DOCK8: variants seen among roughly 807,000 people sequenced by gnomAD.
DOCK8 encodes dedicator of cytokinesis protein 8.
In DOCK8, 141 loss-of-function variants were observed where a neutral mutation model predicts 245.6. The observed-to-expected ratio is 0.57, with a 90% CI of 0.50 to 0.66. The LOEUF (loss-of-function observed/expected upper bound fraction) is 0.66, where lower values mean the gene tolerates loss of function less well. Among genes scored for constraint, DOCK8 ranks in the 30% least tolerant of loss-of-function variants. DOCK8 has a pLI of 0.00. For missense variants in DOCK8, 2,965 were observed against 2,603.4 expected, an observed-to-expected ratio of 1.14 and a Z score of -3.02; for synonymous variants, 1,168 against 970.2, an observed-to-expected ratio of 1.20 and a Z score of -3.79.
chr9:370,020 C>T, intron 15 of DOCK8: 1 of 601,942 alleles, frequency 1.7e-6, no homozygotes, highest in African/African-American at 1.8e-5. Context: ...CCAGGCTGGT[C>T]TCCAACTCCT....
At chr9:276,461 ATG>A (rs1336864177) in intron 2 of DOCK8, among the ~76,000 whole-genome samples, 3 of 101,428 alleles carry the variant, frequency 3.0e-5, no homozygotes, top group Non-Finnish European at 7.2e-5. Flanking sequence ...TCTGATGACT[ATG>A]TGTATAAACA....
intron 28 of DOCK8, 55 bp downstream of exon 28, chr9:407,124 AAT>A: frequency 6.2e-7 from 1 of 1,611,916 alleles, no homozygotes; most frequent in South Asian, 1.1e-5. Flanking sequence ...GATGTTCTTT[AAT>A]AAAATTTGCA....
chr9:213,774 G>C (rs2046663747), upstream of DOCK8: 1 of 151,822 alleles, frequency 6.6e-6, no homozygotes, highest in Admixed American at 6.6e-5. Context: ...TCTGTCGCCA[G>C]GCTGGAGTGC....
chr9:307,538 A>G (rs1352310022), intron 5 of DOCK8, among the ~76,000 whole-genome samples: 2 of 151,616 alleles, frequency 1.3e-5, no homozygotes, highest in African/African-American at 4.9e-5. Flanking sequence ...GTGTATTTTT[A>G]GTAGAGACAG....
chr9:222,238 G>A (rs1473231074), intron 1 of DOCK8, among the ~76,000 whole-genome samples: 1 of 151,938 alleles, frequency 6.6e-6, no homozygotes, highest in Non-Finnish European at 1.5e-5. Flanking sequence ...TCTCCAGCCT[G>A]GGCCACAGAG....
At chr9:401,821 C>T (rs73639210) in intron 26 of DOCK8, among the ~76,000 whole-genome samples, 1,650 of 152,180 alleles carry the variant, frequency 0.011, 38 homozygotes, top group African/African-American at 0.038. Context: ...CCTGAACGCA[C>T]GCAGTCTCAT....
At chr9:430,120 A>G (rs2056655798) in intron 36 of DOCK8, among the ~76,000 whole-genome samples, 2 of 152,326 alleles carry the variant, frequency 1.3e-5, no homozygotes, top group South Asian at 4.1e-4. Flanking sequence ...TTCACCTATA[A>G]TCCCAGCACT....
At chr9:238,712 G>T (rs529532460) in intron 1 of DOCK8, among the ~76,000 whole-genome samples, 1 of 152,150 alleles carries the variant, frequency 6.6e-6, no homozygotes, top group Non-Finnish European at 1.5e-5. Flanking sequence ...CATATTTCCA[G>T]TTACAAAATA....
At chr9:316,519 A>G (rs1205257674) in intron 6 of DOCK8, among the ~76,000 whole-genome samples, 1 of 152,176 alleles carries the variant, frequency 6.6e-6, no homozygotes, top group Non-Finnish European at 1.5e-5. Context: ...TGTCAATTCA[A>G]CCCCAAGTCT....
chr9:414,131 C>CA (rs199980516), intron 28 of DOCK8, among the ~76,000 whole-genome samples: 34,444 of 136,168 alleles, frequency 0.25, 4,325 homozygotes, highest in East Asian at 0.53. Flanking sequence ...AACTCCATGT[C>CA]AAAAAAAAAA....
In DOCK8 at chr9:441,401, A is replaced by C. The variant is rs1450563052; in HGVS notation, c.5339A>C (p.Asp1780Ala). ...LTHSKLQRAFDSIVNKDHKRM... is the reference protein window; with the variant it reads ...LTHSKLQRAFASIVNKDHKRM... ...CACAGCAAGCTGCAGAGAGCCTTCG[A>C]CAGCATCGTTAACAAGGTAGCCGGG... is the stretch of plus-strand genomic sequence containing the variant. Residue 1780 changes from aspartate (D) to alanine (A), a missense_variant, in exon 41 of 48, where the codon GAC becomes GCC. Coordinates refer to ENST00000432829, the MANE Select transcript of DOCK8 (RefSeq NM_203447.4). 6.2e-7 allele frequency: 1 copy of C among 1,614,098 alleles called. No individual in the cohort carries two copies. Among genetic ancestry groups the C allele is most frequent in the Non-Finnish European group, 8.5e-7 (1 of 1,180,036 alleles).
At chr9:397,149 G>A (rs1046821635) in intron 25 of DOCK8, among the ~76,000 whole-genome samples, 6 of 152,032 alleles carry the variant, frequency 3.9e-5, no homozygotes, top group African/African-American at 1.4e-4. Context: ...TTCGAGACCT[G>A]CCTGGCCAAC....
chr9:240,862 A>G (rs1052044290), intron 1 of DOCK8, among the ~76,000 whole-genome samples: 1 of 152,198 alleles, frequency 6.6e-6, no homozygotes, highest in Admixed American at 6.5e-5. Flanking sequence ...TATCTCTTAA[A>G]TAAAAAAATA....
chr9:373,430 C>G (rs796852146), intron 18 of DOCK8, among the ~76,000 whole-genome samples: 30 of 152,308 alleles, frequency 2.0e-4, no homozygotes, highest in African/African-American at 7.0e-4. Flanking sequence ...TATTCAGTCA[C>G]TGATCAAATT....
At chr9:383,124 G>A (rs1362180526) in intron 22 of DOCK8, among the ~76,000 whole-genome samples, 3 of 152,200 alleles carry the variant, frequency 2.0e-5, no homozygotes, top group Non-Finnish European at 4.4e-5. Flanking sequence ...GAACAGCCGG[G>A]CATGGTGGCT....
intron 20 of DOCK8, among the ~76,000 whole-genome samples, chr9:378,540 C>A (rs2053609363): frequency 6.6e-6 from 1 of 152,218 alleles, no homozygotes; most frequent in Non-Finnish European, 1.5e-5. Flanking sequence ...AACTTTTCAT[C>A]CATGTAGCAG....
At chr9:461,277 A>G (rs941087416) in intron 46 of DOCK8, among the ~76,000 whole-genome samples, 1 of 152,170 alleles carries the variant, frequency 6.6e-6, no homozygotes, top group Non-Finnish European at 1.5e-5. Context: ...CAACTCTAGA[A>G]AATTACCAGC....
At chr9:447,023 G>C (rs2057286505) in intron 44 of DOCK8, among the ~76,000 whole-genome samples, 1 of 152,100 alleles carries the variant, frequency 6.6e-6, no homozygotes, top group Admixed American at 6.5e-5. Context: ...CACGTGGGCA[G>C]CCCCAGTGAG....
intron 2 of DOCK8, among the ~76,000 whole-genome samples, chr9:282,452 C>G (rs2130201633): frequency 7.6e-6 from 1 of 131,936 alleles, no homozygotes; most frequent in African/African-American, 2.9e-5. Context: ...ACAGGGTCTT[C>G]CTGTCACTCA....
Sources: gnomAD v4.1 joint callset for allele counts (sites outside exome capture counted in the v4.1 genomes callset) on GRCh38, gnomAD v4.1.1 for gene constraint, MANE v1.5 for transcripts, NCBI Gene and HGNC (gene_info 2026-07-23, HGNC 2026-07-21) for gene names.